Variants in ASAP1 observed in about 807,000 individuals in gnomAD.
ASAP1 encodes the protein arf-GAP with SH3 domain, ANK repeat and PH domain-containing protein 1.
ASAP1 carries 43 observed loss-of-function variants against 145.2 expected under a neutral mutation model. That is an observed-to-expected ratio of 0.30 (90% confidence interval 0.23 to 0.38). The LOEUF is 0.38. ASAP1 is among the 10% of genes least tolerant of loss of function. The probability of loss-of-function intolerance (pLI) is 1.00; values close to 1 mark genes in which losing one functional copy is unlikely to be tolerated. For synonymous variants in ASAP1, 546 were observed against 515.5 expected, an observed-to-expected ratio of 1.06 and a Z score of -0.80; for missense variants, 1,018 against 1,355.3, an observed-to-expected ratio of 0.75 and a Z score of 3.91.
chr8:130,065,144 G>A (rs1229028099), intron 27 of ASAP1, among the ~76,000 whole-genome samples: 2 of 152,040 alleles, frequency 1.3e-5, no homozygotes, highest in South Asian at 2.1e-4. Flanking sequence ...CTCCCTAAGC[G>A]CTGGGATTAC....
intron 27 of ASAP1, among the ~76,000 whole-genome samples, chr8:130,072,397 T>G (rs1040484120): frequency 6.6e-6 from 1 of 152,212 alleles, no homozygotes; most frequent in Non-Finnish European, 1.5e-5. Flanking sequence ...GATGGTTTTA[T>G]AAGGGGTTTC....
chr8:130,231,901 C>CTTGTA (rs1309782194), intron 4 of ASAP1, among the ~76,000 whole-genome samples: 2 of 152,196 alleles, frequency 1.3e-5, no homozygotes, highest in Non-Finnish European at 2.9e-5. Context: ...AAAGCCAGCC[C>CTTGTA]CACTCCTACT....
intron 27 of ASAP1, among the ~76,000 whole-genome samples, chr8:130,076,068 T>C (rs914325911): frequency 6.6e-6 from 1 of 152,198 alleles, no homozygotes; most frequent in African/African-American, 2.4e-5. Flanking sequence ...CTGATTATGT[T>C]TATAAGGGGA....
intron 24 of ASAP1, among the ~76,000 whole-genome samples, chr8:130,110,373 C>T (rs1765833301): frequency 6.6e-6 from 1 of 152,162 alleles, no homozygotes. Context: ...GATGTGAAAT[C>T]TTTCAGTCAC....
At chr8:130,085,327 A>G (rs1362755114) in intron 25 of ASAP1, among the ~76,000 whole-genome samples, 1 of 152,188 alleles carries the variant, frequency 6.6e-6, no homozygotes, top group Non-Finnish European at 1.5e-5. Flanking sequence ...TTGTGGAGAA[A>G]TCACACTCCT....
chr8:130,379,109 A>T (rs1001808959), intron 2 of ASAP1, among the ~76,000 whole-genome samples: 13 of 152,190 alleles, frequency 8.5e-5, no homozygotes, highest in African/African-American at 3.1e-4. Flanking sequence ...TGATCTAATC[A>T]ATCATGCCTA....
At chr8:130,254,979 C>A (rs1364169499) in intron 3 of ASAP1, among the ~76,000 whole-genome samples, 1 of 152,128 alleles carries the variant, frequency 6.6e-6, no homozygotes, top group Non-Finnish European at 1.5e-5. Context: ...AAAATATTAT[C>A]CCCATCTTCC....
chr8:130,358,425 CCGG>C lies in ASAP1; in HGVS notation c.60-285_60-283del, dbSNP rs1315481232. On this transcript the variant is annotated intron_variant, in intron 2 of 29. Transcript: ENST00000518721. The surrounding 1 kb of genome is among the most constrained non-coding windows in gnomAD (Gnocchi z 4.1). ...CGGGACCCGCCTCCCTCTGCTCATG[CCGG>C]CGGCGGCAGCTCCTCAGCGGCGGGG... Among the ~76,000 whole-genome samples the C allele has an allele frequency of 1.8e-4, 26 of 148,428 alleles. No individual in the cohort carries two copies. Among genetic ancestry groups the C allele is most frequent in the Admixed American group, 1.7e-3 (26 of 14,994 alleles).
At chr8:130,134,742 G>C (rs1372746247) in intron 14 of ASAP1, among the ~76,000 whole-genome samples, 2 of 152,206 alleles carry the variant, frequency 1.3e-5, no homozygotes, top group Non-Finnish European at 2.9e-5. Context: ...GGTCCTATTT[G>C]ATCCAAATGG....
chr8:130,066,857 T>TTCAG (rs1259413784), intron 27 of ASAP1, among the ~76,000 whole-genome samples: 3 of 152,166 alleles, frequency 2.0e-5, no homozygotes, highest in Non-Finnish European at 2.9e-5. Flanking sequence ...TGCCCCCCAT[T>TTCAG]TCAGCCTCTA....
intron 3 of ASAP1, among the ~76,000 whole-genome samples, chr8:130,339,600 A>G (rs1163444797): frequency 1.3e-5 from 2 of 152,150 alleles, no homozygotes; most frequent in Non-Finnish European, 2.9e-5. Flanking sequence ...TTCCTGACAA[A>G]ATCATCTTAG....
intron 23 of ASAP1, among the ~76,000 whole-genome samples, chr8:130,112,651 T>C (rs1208145251): frequency 6.6e-6 from 1 of 152,226 alleles, no homozygotes; most frequent in East Asian, 1.9e-4. Flanking sequence ...TTCAGCAACA[T>C]TTGAATAGTA....
At chr8:130,155,728 C>T (rs549954542) in intron 12 of ASAP1, among the ~76,000 whole-genome samples, 1 of 152,210 alleles carries the variant, frequency 6.6e-6, no homozygotes, top group Non-Finnish European at 1.5e-5. Context: ...TGATCTCCCC[C>T]ACTCTCTGTA....
intron 1 of ASAP1, among the ~76,000 whole-genome samples, chr8:130,403,554 C>CTTTTTTTTTTTTTTTTTTT (rs372481861): frequency 8.0e-6 from 1 of 125,398 alleles, no homozygotes; most frequent in African/African-American, 3.1e-5. Context: ...TTTTCTTTTT[C>CTTTTTTTTTTTTTTTTTTT]TTTTTTTTTT....
chr8:130,425,018 A>T (rs1218643043), intron 1 of ASAP1, among the ~76,000 whole-genome samples: 4 of 142,254 alleles, frequency 2.8e-5, no homozygotes, highest in Admixed American at 1.4e-4. Context: ...ATAAATAAAT[A>T]AAAAAAAGAG....
At chr8:130,394,828 A>G (rs1182021833) in intron 2 of ASAP1, among the ~76,000 whole-genome samples, 1 of 152,190 alleles carries the variant, frequency 6.6e-6, no homozygotes, top group Non-Finnish European at 1.5e-5. Context: ...CTCTGTCTCA[A>G]AACAAACAAA....
intron 25 of ASAP1, among the ~76,000 whole-genome samples, chr8:130,088,566 G>C (rs1432633964): frequency 1.3e-5 from 2 of 152,198 alleles, no homozygotes; most frequent in African/African-American, 4.8e-5. Flanking sequence ...GAAGCTGAGA[G>C]AGGCAAGAAA....
chr8:130,187,533 A>G (rs1814821699), intron 6 of ASAP1, among the ~76,000 whole-genome samples: 2 of 151,366 alleles, frequency 1.3e-5, no homozygotes, highest in African/African-American at 4.9e-5. Context: ...TTCCCACCTC[A>G]GCTTCCTGAG....
chr8:130,248,795 T>C (rs1819013758), intron 3 of ASAP1, among the ~76,000 whole-genome samples: 1 of 152,136 alleles, frequency 6.6e-6, no homozygotes, highest in Admixed American at 6.5e-5. Context: ...CTCTTCCTCC[T>C]CCATGTCTAT....
Sources: gnomAD v4.1 joint callset for allele counts (sites outside exome capture counted in the v4.1 genomes callset) on GRCh38, gnomAD v4.1.1 for gene constraint, Gnocchi (gnomAD v3.1) non-coding constraint, MANE v1.5 for transcripts, NCBI Gene and HGNC (gene_info 2026-07-23, HGNC 2026-07-21) for gene names.